The following RASGRP3 variants were observed in gnomAD, a reference collection of about 807,000 sequenced individuals.
RASGRP3 encodes ras guanyl-releasing protein 3.
RASGRP3 carries 54 observed loss-of-function variants against 82.7 expected under a neutral mutation model. The ratio of observed to expected loss-of-function variants is 0.65; its 90% confidence interval spans 0.52 to 0.82. The LOEUF (loss-of-function observed/expected upper bound fraction) is 0.82. Among genes scored for constraint, RASGRP3 ranks in the 40% least tolerant of loss-of-function variants. RASGRP3 has a pLI of 0.00. For synonymous variants in RASGRP3, 309 were observed against 300.5 expected, an observed-to-expected ratio of 1.03 and a Z score of -0.29; for missense variants, 861 against 828.9, an observed-to-expected ratio of 1.04 and a Z score of -0.48.
chr2:33,466,451 G>A (rs555547388), intron 2 of RASGRP3, among the ~76,000 whole-genome samples: 2 of 152,222 alleles, frequency 1.3e-5, no homozygotes, highest in South Asian at 4.2e-4. Flanking sequence ...GGCCGAGGCG[G>A]ACAGATCACC....
chr2:33,486,814 G>A (rs1350810447), intron 1 of RASGRP3, among the ~76,000 whole-genome samples: 1 of 152,148 alleles, frequency 6.6e-6, no homozygotes, highest in Non-Finnish European at 1.5e-5. Context: ...TGTGTAACTT[G>A]ATAGAGCTGA....
intron 12 of RASGRP3, among the ~76,000 whole-genome samples, chr2:33,540,857 G>T (rs1168673761): frequency 8.5e-6 from 1 of 117,164 alleles, no homozygotes; most frequent in East Asian, 2.0e-4. Flanking sequence ...AATGATACTG[G>T]AATTAAAAAA....
At chr2:33,554,839 T>C (rs4670699) in intron 14 of RASGRP3, among the ~76,000 whole-genome samples, 62,144 of 151,926 alleles carry the variant, frequency 0.41, 13,649 homozygotes, top group African/African-American at 0.58. Flanking sequence ...CACCAGGATG[T>C]CCCTGAACCC....
chr2:33,499,207 AG>A (rs1473452759), intron 1 of RASGRP3, among the ~76,000 whole-genome samples: 1 of 152,022 alleles, frequency 6.6e-6, no homozygotes, highest in East Asian at 1.9e-4. Context: ...TCCCTCCCTA[AG>A]GTGAACCACC....
chr2:33,548,133 G>A (rs912436082), intron 13 of RASGRP3, among the ~76,000 whole-genome samples: 26 of 152,092 alleles, frequency 1.7e-4, no homozygotes, highest in Admixed American at 1.3e-3. Context: ...AGGCCGAGGC[G>A]GGCGGATCAC....
intron 10 of RASGRP3, chr2:33,532,270 A>G (rs145545434): frequency 4.3e-4 from 65 of 152,374 alleles, no homozygotes; most frequent in African/African-American, 1.5e-3. Flanking sequence ...TTAACAAATC[A>G]GAAGACTTGG....
intron 2 of RASGRP3, among the ~76,000 whole-genome samples, chr2:33,457,806 C>T (rs927929094): frequency 1.3e-5 from 2 of 152,046 alleles, no homozygotes; most frequent in African/African-American, 4.8e-5. Context: ...TTAACCCTCA[C>T]CACACTACCT....
intron 15 of RASGRP3, among the ~76,000 whole-genome samples, chr2:33,556,231 CTTTTTTTTTT>C (rs573022728): frequency 3.5e-5 from 2 of 57,498 alleles, no homozygotes; most frequent in Non-Finnish European, 5.7e-5. Context: ...TTCTAATAAT[CTTTTTTTTTT>C]TTTTTTTTTT....
At position 33,549,588 on chromosome 2, in the gene RASGRP3, T is replaced by G. The variant is rs538924008; in HGVS notation, c.1395-16T>G. 3 of 1,604,760 alleles carry G rather than the reference T, an allele frequency of 1.9e-6. No homozygotes were observed. In the African/African-American group the frequency reaches 4.0e-5, roughly 21 times the overall value. The stretch of plus-strand genomic sequence containing the variant: ...GTTATTTAAAGATTCCCTCCCTTCT[T>G]TGATTCTCTTAACAGGGATGGCCTA... On this transcript the variant is annotated splice_polypyrimidine_tract_variant and intron_variant, in intron 13 of 17. Coordinates refer to ENST00000403687, the MANE Select transcript of RASGRP3 (RefSeq NM_001139488.2).
chr2:33,444,854 T>G (rs1665420350), intron 1 of RASGRP3, among the ~76,000 whole-genome samples: 1 of 152,238 alleles, frequency 6.6e-6, no homozygotes, highest in Non-Finnish European at 1.5e-5. Flanking sequence ...GTAAAAGACT[T>G]TATCATAATG....
At chr2:33,494,999 A>G (rs964991999) in intron 1 of RASGRP3, among the ~76,000 whole-genome samples, 1 of 152,220 alleles carries the variant, frequency 6.6e-6, no homozygotes, top group African/African-American at 2.4e-5. Context: ...ATTTGAAATT[A>G]CGTTTAGAGT....
rs576368172 is a variant in RASGRP3, at chr2:33,526,938, G to A, written c.808-199G>A. Among the ~76,000 whole-genome samples the A allele has an allele frequency of 2.6e-5, 4 of 152,242 alleles. No homozygotes were observed. The South Asian group carries it at 8.3e-4, about 32-fold the overall frequency. On this transcript the variant is annotated intron_variant, in intron 9 of 17. Transcript: ENST00000403687. ...GCTATTTCCATTTTATAGCAAAATG[G>A]AACAGGCTGCTCAATGCATAGCCAG...
intron 2 of RASGRP3, among the ~76,000 whole-genome samples, chr2:33,470,141 G>A (rs1666968829): frequency 6.6e-6 from 1 of 151,878 alleles, no homozygotes. Context: ...TGACCTGTTT[G>A]AAAAATTTAT....
At chr2:33,476,948 G>A (rs1431449296) in intron 1 of RASGRP3, among the ~76,000 whole-genome samples, 1 of 152,064 alleles carries the variant, frequency 6.6e-6, no homozygotes, top group East Asian at 1.9e-4. Context: ...GTAACTTTGA[G>A]GATGAATGGG....
upstream of RASGRP3, among the ~76,000 whole-genome samples, chr2:33,475,518 G>A (rs1667304565): frequency 6.6e-6 from 1 of 152,164 alleles, no homozygotes; most frequent in African/African-American, 2.4e-5. Context: ...ATCCCCTGGG[G>A]GACTTCAACC....
intron 11 of RASGRP3, among the ~76,000 whole-genome samples, chr2:33,534,714 T>TG (rs1673435075): frequency 6.9e-6 from 1 of 143,944 alleles, no homozygotes; most frequent in Non-Finnish European, 1.5e-5. Flanking sequence ...TTTTTTTTTT[T>TG]GTATTTTTAG....
chr2:33,489,683 G>A (rs1390255982), intron 1 of RASGRP3, among the ~76,000 whole-genome samples: 1 of 152,122 alleles, frequency 6.6e-6, no homozygotes, highest in African/African-American at 2.4e-5. Flanking sequence ...CTATAGGCAG[G>A]CACCACCACA....
intron 2 of RASGRP3, among the ~76,000 whole-genome samples, chr2:33,452,259 G>T (rs1459896939): frequency 1.3e-5 from 2 of 152,156 alleles, no homozygotes; most frequent in African/African-American, 4.8e-5. Context: ...TAATTTTGTT[G>T]TTTGGTGGTG....
At position 33,463,078 on chromosome 2, in the gene RASGRP3, G is replaced by T. The variant is rs529822303; in HGVS notation, c.-261+15135G>T. 1.7e-3 allele frequency among the ~76,000 whole-genome samples: 264 copies of T among 152,290 alleles called. 1 individual carries two copies. The highest frequency in any genetic ancestry group is 6.1e-3 in the African/African-American group (255 of 41,562). On this transcript the variant is annotated intron_variant, in intron 2 of 18. Coordinates refer to the RASGRP3 transcript ENST00000402538. ...ACTTTACCACTCATCTGCGTTTATA[G>T]GAGTGAGAGCCTCAAAAATGAATGA... is the stretch of plus-strand genomic sequence containing the variant.
Sources: allele counts gnomAD v4.1 joint callset (sites outside exome capture counted in the v4.1 genomes callset), GRCh38; gene constraint gnomAD v4.1.1; transcripts MANE v1.5; gene names NCBI Gene and HGNC (gene_info 2026-07-23, HGNC 2026-07-21).